Variants in CHD9 observed in about 807,000 individuals in gnomAD.
The protein encoded by CHD9 is ATP-dependent chromatin remodeler CHD9.
Under a neutral mutation model 316.1 loss-of-function variants are expected in CHD9, and 77 were observed. The observed-to-expected ratio is 0.24, with a 90% confidence interval of 0.20 to 0.29. The LOEUF (loss-of-function observed/expected upper bound fraction) is 0.29, where lower values mean the gene tolerates loss of function less well. Among genes scored for constraint, CHD9 ranks in the 10% least tolerant of loss-of-function variants. The pLI, the probability that CHD9 is intolerant of heterozygous loss-of-function variation, is 1.00. For synonymous variants in CHD9, 1,129 were observed against 1,158.3 expected, an observed-to-expected ratio of 0.97 and a Z score of 0.51; for missense variants, 2,763 against 3,438.1, an observed-to-expected ratio of 0.80 and a Z score of 4.91.
intron 1 of CHD9, among the ~76,000 whole-genome samples, chr16:53,141,209 C>T (rs1312524140): frequency 6.6e-6 from 1 of 151,956 alleles, no homozygotes; most frequent in Non-Finnish European, 1.5e-5. Context: ...TGTTATAATC[C>T]CTATTTACAG....
chr16:53,085,617 G>C (rs2035400836), intron 1 of CHD9, among the ~76,000 whole-genome samples: 1 of 152,166 alleles, frequency 6.6e-6, no homozygotes, highest in South Asian at 2.1e-4. Context: ...GCAGGGACCT[G>C]TTCTTTGCTT....
intron 12 of CHD9, among the ~76,000 whole-genome samples, 165 bp downstream of exon 12, chr16:53,238,751 C>G (rs2048836276): frequency 6.6e-6 from 1 of 152,012 alleles, no homozygotes; most frequent in African/African-American, 2.4e-5. Context: ...ATTTGAGCAG[C>G]TGAAGAGAAC....
At chr16:53,160,023 TTA>T (rs1029372332) in intron 2 of CHD9, among the ~76,000 whole-genome samples, 3 of 152,176 alleles carry the variant, frequency 2.0e-5, no homozygotes, top group African/African-American at 7.2e-5. Flanking sequence ...CCCCCTCTTT[TTA>T]TGACATGAGT....
At chr16:53,102,016 C>T (rs2036925901) in intron 1 of CHD9, among the ~76,000 whole-genome samples, 1 of 152,124 alleles carries the variant, frequency 6.6e-6, no homozygotes, top group African/African-American at 2.4e-5. Context: ...ATTGTTGGGC[C>T]GCTTCCAGTT....
intron 1 of CHD9, among the ~76,000 whole-genome samples, chr16:53,058,401 A>C (rs1196601138): frequency 6.6e-6 from 1 of 152,184 alleles, no homozygotes; most frequent in Non-Finnish European, 1.5e-5. Context: ...TTACAGGCTC[A>C]AGCCACAGCA....
chr16:53,199,148 A>C (rs2045219898), intron 2 of CHD9, among the ~76,000 whole-genome samples: 1 of 152,078 alleles, frequency 6.6e-6, no homozygotes, highest in African/African-American at 2.4e-5. Flanking sequence ...CCTCAGTTTC[A>C]ATAATTTGCC....
At position 53,227,476 on chromosome 16, in the gene CHD9, T is replaced by G. The variant is rs761494719; in HGVS notation, c.2112+12T>G. The G allele has an allele frequency of 6.6e-7, 1 of 1,525,284 alleles. No individual in the cohort carries two copies. The highest frequency in any genetic ancestry group is 2.1e-5 in the Admixed American group (1 of 48,406). 94.5% of individuals were successfully genotyped at this position (1,525,284 alleles called of 1,614,324 possible). A position where few individuals can be genotyped will look rare whatever the true frequency, so the allele number is the denominator to read the frequency against. ...CCGTAAAAAAGGAAGTAAGTACTGGTACATTACATTTTACACTTCATATTC... is the reference window on the plus strand; with the variant it reads ...CCGTAAAAAAGGAAGTAAGTACTGGGACATTACATTTTACACTTCATATTC... On this transcript the variant is annotated intron_variant, in intron 6 of 38. Transcript: ENST00000447540.
chr16:53,295,697 C>G (rs2054719687), intron 29 of CHD9, among the ~76,000 whole-genome samples: 1 of 152,148 alleles, frequency 6.6e-6, no homozygotes, highest in African/African-American at 2.4e-5. Context: ...CCCAAGCTAA[C>G]TATTTTTACA....
chr16:53,148,822 T>C (rs144744700), intron 1 of CHD9, among the ~76,000 whole-genome samples: 200 of 152,350 alleles, frequency 1.3e-3, no homozygotes, highest in African/African-American at 4.6e-3. Context: ...CCTTTGGGTT[T>C]AGTTTGCTTT....
At chr16:53,311,359 C>G (rs1205792699) in intron 34 of CHD9, 7 of 151,970 alleles carry the variant, frequency 4.6e-5, no homozygotes, top group Admixed American at 1.3e-4. Flanking sequence ...CATTTTTGAG[C>G]CTTACTTTTC....
At chr16:53,270,723 A>C (rs1293075154) in intron 22 of CHD9, among the ~76,000 whole-genome samples, 1 of 152,196 alleles carries the variant, frequency 6.6e-6, no homozygotes, top group Admixed American at 6.5e-5. Context: ...CAAATATATT[A>C]GTGGTAACTG....
intron 11 of CHD9, 145 bp downstream of exon 11, chr16:53,235,451 A>G (rs2048541898): frequency 1.7e-6 from 1 of 579,248 alleles, no homozygotes; most frequent in Non-Finnish European, 2.8e-6. Flanking sequence ...AACATATGTA[A>G]ATTGCAACTT....
At chr16:53,297,428 G>A (rs528350807) in intron 30 of CHD9, among the ~76,000 whole-genome samples, 82 of 152,252 alleles carry the variant, frequency 5.4e-4, no homozygotes, top group African/African-American at 1.9e-3. Flanking sequence ...AGGAGGTGGT[G>A]GAAGATAAAG....
intron 3 of CHD9, among the ~76,000 whole-genome samples, chr16:53,212,356 G>C (rs907385685): frequency 3.3e-4 from 50 of 150,784 alleles, no homozygotes; most frequent in African/African-American, 1.2e-3. Context: ...AGTGAGCCGA[G>C]ATTGCACCAC....
chr16:53,223,112 T>C (rs755769388), intron 4 of CHD9, among the ~76,000 whole-genome samples: 2 of 152,198 alleles, frequency 1.3e-5, no homozygotes, highest in Non-Finnish European at 2.9e-5. Flanking sequence ...AGTAATTTTT[T>C]AAATCACATA....
At chr16:53,105,202 C>T (rs934682021) in intron 1 of CHD9, among the ~76,000 whole-genome samples, 11 of 152,064 alleles carry the variant, frequency 7.2e-5, no homozygotes, top group Admixed American at 1.3e-4. Flanking sequence ...ATTCAAAATT[C>T]GAAAGGATAT....
At chr16:53,136,425 C>T (rs1024041531) in intron 1 of CHD9, among the ~76,000 whole-genome samples, 1 of 151,842 alleles carries the variant, frequency 6.6e-6, no homozygotes, top group Non-Finnish European at 1.5e-5. Context: ...GCTGATGTAT[C>T]TTGTTCCTTT....
chr16:53,144,151 T>A (rs1299018450), intron 1 of CHD9, among the ~76,000 whole-genome samples: 1 of 152,204 alleles, frequency 6.6e-6, no homozygotes, highest in African/African-American at 2.4e-5. Context: ...AGGATGAAGC[T>A]TTCTTCCCAA....
intron 1 of CHD9, among the ~76,000 whole-genome samples, chr16:53,067,248 G>A (rs938283721): frequency 2.6e-5 from 4 of 152,114 alleles, no homozygotes; most frequent in Admixed American, 2.0e-4. Context: ...GGTCTATCCT[G>A]TTATTAACAT....
Sources: gnomAD v4.1 joint callset for allele counts (sites outside exome capture counted in the v4.1 genomes callset) on GRCh38, gnomAD v4.1.1 for gene constraint, MANE v1.5 for transcripts, NCBI Gene and HGNC (gene_info 2026-07-23, HGNC 2026-07-21) for gene names.